The following CSMD1 variants were observed in gnomAD, a reference collection of about 807,000 sequenced individuals.
CSMD1 encodes the protein CUB and sushi domain-containing protein 1.
A neutral mutation model predicts 417.5 loss-of-function variants in CSMD1; 213 were observed. That is an observed-to-expected ratio of 0.51 (90% CI 0.46 to 0.57). CSMD1 has a LOEUF of 0.57. Ranked by LOEUF, CSMD1 falls within the 20% of genes least tolerant of loss-of-function variation. The pLI is 0.00. For missense variants in CSMD1, 6,923 were observed against 4,529.7 expected (o/e 1.53, Z -15.17); for synonymous variants, 2,862 against 1,736.8 (o/e 1.65, Z -16.11).
intron 2 of CSMD1, among the ~76,000 whole-genome samples, chr8:4,576,959 T>A (rs576919889): frequency 6.6e-6 from 1 of 152,364 alleles, no homozygotes. Flanking sequence ...AGCTCTCAGC[T>A]AAGTTTTCTA....
chr8:3,789,760 T>A (rs540531851), intron 5 of CSMD1, among the ~76,000 whole-genome samples: 1 of 143,288 alleles, frequency 7.0e-6, no homozygotes, highest in South Asian at 2.2e-4. Flanking sequence ...AGACACAGTT[T>A]CACTCTGTCT....
At chr8:3,462,835 C>T (rs1816592660) in intron 12 of CSMD1, among the ~76,000 whole-genome samples, 1 of 152,104 alleles carries the variant, frequency 6.6e-6, no homozygotes, top group Admixed American at 6.5e-5. Flanking sequence ...TGTTTGTGTC[C>T]CTCCAAATTC....
chr8:3,575,895 GA>G (rs2116945453), intron 9 of CSMD1, among the ~76,000 whole-genome samples: 1 of 151,772 alleles, frequency 6.6e-6, no homozygotes, highest in South Asian at 2.1e-4. Context: ...AATGTCAGCA[GA>G]GACTCTGGTT....
chr8:4,895,774 A>G (rs1264888513), intron 1 of CSMD1, among the ~76,000 whole-genome samples: 1 of 152,006 alleles, frequency 6.6e-6, no homozygotes, highest in Non-Finnish European at 1.5e-5. Flanking sequence ...AACTTTACCA[A>G]AGTAAATTTA....
intron 3 of CSMD1, among the ~76,000 whole-genome samples, chr8:4,212,174 T>TTATATATATATATATATA (rs10682206): frequency 1.1e-4 from 16 of 145,714 alleles, no homozygotes; most frequent in African/African-American, 3.5e-4. Flanking sequence ...ACTTCCCTAT[T>TTATATATATATATATATA]TATATATATA....
chr8:4,176,147 G>T (rs948662820), intron 3 of CSMD1, among the ~76,000 whole-genome samples: 5 of 151,980 alleles, frequency 3.3e-5, no homozygotes, highest in African/African-American at 1.2e-4. Flanking sequence ...TTATAGGGGT[G>T]GAAAAGAGAC....
intron 7 of CSMD1, among the ~76,000 whole-genome samples, chr8:3,701,548 GAGA>G (rs1800870471): frequency 6.6e-6 from 1 of 151,590 alleles, no homozygotes; most frequent in South Asian, 2.1e-4. Context: ...TAACGATTAA[GAGA>G]AGATTACCCA....
chr8:3,059,586 G>A (rs1353664899), intron 49 of CSMD1, among the ~76,000 whole-genome samples: 2 of 152,130 alleles, frequency 1.3e-5, no homozygotes, highest in East Asian at 3.9e-4. Flanking sequence ...ACCCTTCAGA[G>A]TTTGAAGATG....
At chr8:3,857,793 T>C (rs913521001) in intron 5 of CSMD1, among the ~76,000 whole-genome samples, 3 of 152,178 alleles carry the variant, frequency 2.0e-5, no homozygotes, top group African/African-American at 7.2e-5. Flanking sequence ...GGGAAAAGGA[T>C]ACAACACCAG....
chr8:4,363,231 A>G (rs988962606), intron 3 of CSMD1, among the ~76,000 whole-genome samples: 1 of 152,172 alleles, frequency 6.6e-6, no homozygotes, highest in Non-Finnish European at 1.5e-5. Context: ...GACCAAGGTC[A>G]GTGTTTCTCA....
chr8:4,594,784 A>G (rs1387733765), intron 2 of CSMD1, among the ~76,000 whole-genome samples: 1 of 152,192 alleles, frequency 6.6e-6, no homozygotes, highest in Non-Finnish European at 1.5e-5. Context: ...ATTTTAGGGC[A>G]GACATATCAT....
intron 10 of CSMD1, among the ~76,000 whole-genome samples, chr8:3,532,035 T>A (rs76182042): frequency 0.01 from 1,560 of 152,354 alleles, 27 homozygotes; most frequent in African/African-American, 0.036. Context: ...CAGTTTTTCA[T>A]GCCCTGTCTA....
At chr8:3,202,971 A>G (rs1797069218) in intron 31 of CSMD1, among the ~76,000 whole-genome samples, 1 of 152,126 alleles carries the variant, frequency 6.6e-6, no homozygotes, top group African/African-American at 2.4e-5. Context: ...TTCTCTACAG[A>G]TCTTGCTCAT....
intron 3 of CSMD1, among the ~76,000 whole-genome samples, chr8:4,200,654 A>G (rs958758859): frequency 5.3e-5 from 8 of 152,156 alleles, no homozygotes; most frequent in African/African-American, 1.9e-4. Context: ...CTAAGAGTTC[A>G]AGACCACCCT....
intron 12 of CSMD1, among the ~76,000 whole-genome samples, chr8:3,463,149 C>T (rs1816613667): frequency 6.6e-6 from 1 of 152,180 alleles, no homozygotes; most frequent in Non-Finnish European, 1.5e-5. Context: ...TCTGTTACGG[C>T]AACCTGAATG....
At chr8:3,074,609 T>C (rs1813516503) in intron 49 of CSMD1, among the ~76,000 whole-genome samples, 1 of 152,216 alleles carries the variant, frequency 6.6e-6, no homozygotes, top group Non-Finnish European at 1.5e-5. Flanking sequence ...AGAAATTGTA[T>C]CCTGTGGCAA....
intron 1 of CSMD1, among the ~76,000 whole-genome samples, chr8:4,964,502 C>CA (rs10622416): frequency 0.025 from 2,613 of 105,162 alleles, 48 homozygotes; most frequent in East Asian, 0.028. Context: ...ACCCTGTCTC[C>CA]AAAAAAAAAA....
At chr8:3,439,292 TATATATATATATA>T in intron 12 of CSMD1, among the ~76,000 whole-genome samples, 1 of 46,178 alleles carries the variant, frequency 2.2e-5, no homozygotes, top group South Asian at 8.5e-4. Flanking sequence ...TATATATATA[TATATATATATATA>T]TATATTTTTT....
chr8:4,223,714 T>C lies in CSMD1; in HGVS notation c.416-191615A>G, dbSNP rs141381849. Among the ~76,000 whole-genome samples the C allele has an allele frequency of 2.2e-3, 331 of 152,316 alleles. 1 individual carries two copies. The highest frequency in any genetic ancestry group is 7.4e-3 in the African/African-American group (309 of 41,576). ...CCAGAGCCTGAATATTTTTTTGTTA[T>C]CTGAAAAATGAGGAATTTGGGTCAG... On this transcript the variant is annotated intron_variant, in intron 3 of 69. Coordinates refer to ENST00000635120, the MANE Select transcript of CSMD1 (RefSeq NM_033225.6).
Sources: allele counts gnomAD v4.1 joint callset (sites outside exome capture counted in the v4.1 genomes callset), GRCh38; gene constraint gnomAD v4.1.1; transcripts MANE v1.5; gene names NCBI Gene and HGNC (gene_info 2026-07-23, HGNC 2026-07-21).